The following ZCCHC24 variants were observed in gnomAD, a reference collection of about 807,000 sequenced individuals.
The protein encoded by ZCCHC24 is zinc finger CCHC domain-containing protein 24.
In ZCCHC24, 10 loss-of-function variants were observed where a neutral mutation model predicts 26.2. That is an observed-to-expected ratio of 0.38 (90% CI 0.24 to 0.65). The LOEUF (loss-of-function observed/expected upper bound fraction) is 0.65. ZCCHC24 is among the 30% of genes least tolerant of loss of function. The pLI is 0.54. For synonymous variants in ZCCHC24, 144 were observed against 147.1 expected (o/e 0.98, Z 0.15); for missense variants, 243 against 329.1 (o/e 0.74, Z 2.03).
chr10:79,440,280 G>C (rs1214347259), intron 1 of ZCCHC24, among the ~76,000 whole-genome samples: 2 of 152,368 alleles, frequency 1.3e-5, no homozygotes, highest in South Asian at 4.1e-4. Flanking sequence ...AGAAGCAGTA[G>C]AAAGTGCTCA....
At chr10:79,407,925 C>T (rs1434055992) in intron 2 of ZCCHC24, among the ~76,000 whole-genome samples, 1 of 152,168 alleles carries the variant, frequency 6.6e-6, no homozygotes, top group African/African-American at 2.4e-5. Flanking sequence ...GAGGGCTGGC[C>T]TGGCTCTCCT....
At chr10:79,398,163 T>G (rs1305063796) in intron 2 of ZCCHC24, among the ~76,000 whole-genome samples, 1 of 152,190 alleles carries the variant, frequency 6.6e-6, no homozygotes, top group African/African-American at 2.4e-5. Context: ...GGCCAGGCAC[T>G]GGGAGGGCCC....
chr10:79,405,523 T>G (rs537756099), intron 2 of ZCCHC24, among the ~76,000 whole-genome samples: 1 of 152,330 alleles, frequency 6.6e-6, no homozygotes, highest in South Asian at 2.1e-4. Context: ...GACGCCTCCT[T>G]GGGCAGTGCT....
At chr10:79,430,450 C>G (rs186044361) in intron 2 of ZCCHC24, among the ~76,000 whole-genome samples, 1 of 151,932 alleles carries the variant, frequency 6.6e-6, no homozygotes, top group East Asian at 1.9e-4. Flanking sequence ...GACTGGGGAT[C>G]TCGTATACAT....
intron 2 of ZCCHC24, among the ~76,000 whole-genome samples, chr10:79,429,795 T>G (rs7077340): frequency 0.16 from 24,797 of 152,154 alleles, 2,097 homozygotes; most frequent in Middle Eastern, 0.24. Context: ...TTATAGAAAT[T>G]AGGTTCTAAC....
chr10:79,431,344 G>C (rs1857124517), intron 2 of ZCCHC24, among the ~76,000 whole-genome samples: 1 of 152,210 alleles, frequency 6.6e-6, no homozygotes, highest in Admixed American at 6.5e-5. Flanking sequence ...ATAGCCTCCT[G>C]CTTACTGTGT....
intron 1 of ZCCHC24, chr10:79,443,994 T>C: frequency 7.4e-7 from 1 of 1,345,574 alleles, no homozygotes. Context: ...ATGGCAGAGT[T>C]GAACTCAAGG....
chr10:79,431,449 G>A lies in ZCCHC24; in HGVS notation c.447+1109C>T, dbSNP rs1194321479. On this transcript the variant is annotated intron_variant, in intron 2 of 3. Coordinates refer to ENST00000372336, the MANE Select transcript of ZCCHC24 (RefSeq NM_153367.4). ...CCACTATGTATGCAGAGTCTGGGAT[G>A]GGGGCACACAGATCACCTGGGGACC... is the stretch of plus-strand genomic sequence containing the variant. 3.3e-5 allele frequency among the ~76,000 whole-genome samples: 5 copies of A among 152,294 alleles called. No homozygotes were observed. The South Asian group carries it at 1.0e-3, about 32-fold the overall frequency.
intron 1 of ZCCHC24, among the ~76,000 whole-genome samples, chr10:79,438,414 G>C (rs1857247545): frequency 6.6e-6 from 1 of 152,214 alleles, no homozygotes; most frequent in East Asian, 1.9e-4. Context: ...GAGACAAGGA[G>C]ATAGCCCGTG....
chr10:79,420,164 C>A (rs189890568), intron 2 of ZCCHC24, among the ~76,000 whole-genome samples: 4 of 151,704 alleles, frequency 2.6e-5, no homozygotes, highest in African/African-American at 7.3e-5. Flanking sequence ...AGCCCACAGG[C>A]GGCACTGGGC....
intron 2 of ZCCHC24, among the ~76,000 whole-genome samples, chr10:79,402,271 T>TTTTTTTC (rs1005933964): frequency 2.0e-5 from 3 of 152,204 alleles, no homozygotes; most frequent in South Asian, 2.1e-4. Context: ...GGTTTTTCTT[T>TTTTTTTC]TTTTTTCTTT....
chr10:79,429,499 T>G (rs1265229232), intron 2 of ZCCHC24, among the ~76,000 whole-genome samples: 2 of 152,110 alleles, frequency 1.3e-5, no homozygotes, highest in Non-Finnish European at 2.9e-5. Flanking sequence ...GAGAATCACT[T>G]GAGCACAGGA....
chr10:79,432,081 C>A (rs995013727), intron 2 of ZCCHC24, among the ~76,000 whole-genome samples: 4 of 152,214 alleles, frequency 2.6e-5, no homozygotes, highest in South Asian at 2.1e-4. Context: ...TGGGGCAGGG[C>A]CCCTCCCCTC....
intron 1 of ZCCHC24, among the ~76,000 whole-genome samples, chr10:79,434,801 T>C (rs1039959641): frequency 6.6e-6 from 1 of 152,220 alleles, no homozygotes; most frequent in African/African-American, 2.4e-5. Flanking sequence ...ATTAAGAGCA[T>C]TCATGCTGTT....
intron 1 of ZCCHC24, among the ~76,000 whole-genome samples, chr10:79,441,164 G>A (rs1316147998): frequency 6.6e-6 from 1 of 150,728 alleles, no homozygotes; most frequent in African/African-American, 2.5e-5. Context: ...GCCCACTCTC[G>A]AACATAGGCA....
At chr10:79,386,998 A>G (rs1006169398) in intron 3 of ZCCHC24, among the ~76,000 whole-genome samples, 1 of 152,006 alleles carries the variant, frequency 6.6e-6, no homozygotes, top group African/African-American at 2.4e-5. Flanking sequence ...GCCACTCTCC[A>G]CTCGCAGCCC....
intron 2 of ZCCHC24, among the ~76,000 whole-genome samples, chr10:79,417,612 A>T (rs934341760): frequency 6.6e-6 from 1 of 152,208 alleles, no homozygotes; most frequent in Non-Finnish European, 1.5e-5. Flanking sequence ...GTTACAAAAG[A>T]AAAGAGGAAG....
chr10:79,425,207 C>G (rs4980077), intron 2 of ZCCHC24, among the ~76,000 whole-genome samples: 6 of 152,194 alleles, frequency 3.9e-5, no homozygotes, highest in African/African-American at 1.4e-4. Flanking sequence ...GACCCATCAG[C>G]GTGCAGAGGC....
At chr10:79,440,893 C>A (rs1391953663) in intron 1 of ZCCHC24, among the ~76,000 whole-genome samples, 1 of 152,174 alleles carries the variant, frequency 6.6e-6, no homozygotes, top group African/African-American at 2.4e-5. Flanking sequence ...CCATGCCTGT[C>A]CAGTCAACGT....
Sources: allele counts gnomAD v4.1 joint callset (sites outside exome capture counted in the v4.1 genomes callset), GRCh38; gene constraint gnomAD v4.1.1; transcripts MANE v1.5; gene names NCBI Gene and HGNC (gene_info 2026-07-23, HGNC 2026-07-21).